The following FHOD3 variants were observed in gnomAD, a reference collection of about 807,000 sequenced individuals.
FHOD3 encodes FH1/FH2 domain-containing protein 3.
A neutral mutation model predicts 173.0 loss-of-function variants in FHOD3; 90 were observed. The ratio of observed to expected loss-of-function variants is 0.52; its 90% confidence interval spans 0.44 to 0.62. FHOD3 has a LOEUF of 0.62. Among genes scored for constraint, FHOD3 ranks in the 20% least tolerant of loss-of-function variants. The probability of loss-of-function intolerance (pLI) is 0.00; values close to 1 mark genes in which losing one functional copy is unlikely to be tolerated. For missense variants in FHOD3, 1,945 were observed against 2,034.7 expected (o/e 0.96, Z 0.85); for synonymous variants, 828 against 823.0 (o/e 1.01, Z -0.10).
At chr18:36,448,522 C>T (rs996380949) in intron 3 of FHOD3, among the ~76,000 whole-genome samples, 4 of 152,178 alleles carry the variant, frequency 2.6e-5, no homozygotes, top group Non-Finnish European at 5.9e-5. Context: ...TGGGTTGCAT[C>T]TCTCCCACAT....
chr18:36,569,059 C>G (rs1379080160), intron 5 of FHOD3, among the ~76,000 whole-genome samples: 1 of 151,988 alleles, frequency 6.6e-6, no homozygotes, highest in Non-Finnish European at 1.5e-5. Flanking sequence ...ATGAAAGATA[C>G]AATAACCAAA....
intron 3 of FHOD3, among the ~76,000 whole-genome samples, chr18:36,481,260 G>A (rs1282726862): frequency 3.3e-5 from 5 of 151,830 alleles, no homozygotes; most frequent in Non-Finnish European, 7.4e-5. Context: ...TTCTGCAGGC[G>A]GCTATAATCT....
chr18:36,737,462 C>T (rs2041693838), intron 20 of FHOD3, among the ~76,000 whole-genome samples: 1 of 152,172 alleles, frequency 6.6e-6, no homozygotes, highest in African/African-American at 2.4e-5. Flanking sequence ...TCTCTTAATG[C>T]CATCTGCATG....
At chr18:36,522,537 A>G (rs761622255) in intron 5 of FHOD3, among the ~76,000 whole-genome samples, 4 of 152,210 alleles carry the variant, frequency 2.6e-5, no homozygotes, top group Non-Finnish European at 5.9e-5. Flanking sequence ...GCAAATATGG[A>G]TTATACTGTA....
At chr18:36,723,432 C>T (rs2040891594) in intron 19 of FHOD3, among the ~76,000 whole-genome samples, 2 of 152,218 alleles carry the variant, frequency 1.3e-5, no homozygotes, top group East Asian at 1.9e-4. Flanking sequence ...TACATCTCCC[C>T]GTCTCCCTTG....
chr18:36,309,693 C>T (rs2092202670), intron 1 of FHOD3, among the ~76,000 whole-genome samples: 2 of 152,230 alleles, frequency 1.3e-5, no homozygotes, highest in Admixed American at 1.3e-4. Context: ...ACCTCAGCAG[C>T]ACCATGTGCC....
intron 1 of FHOD3, 114 bp downstream of exon 1, chr18:36,298,114 G>C (rs2091846317): frequency 2.0e-6 from 2 of 982,690 alleles, no homozygotes; most frequent in South Asian, 4.4e-5. Flanking sequence ...GCGCGGCCCG[G>C]GGGGACCATC....
At chr18:36,536,440 G>A (rs571675155) in intron 5 of FHOD3, among the ~76,000 whole-genome samples, 6 of 152,322 alleles carry the variant, frequency 3.9e-5, no homozygotes, top group South Asian at 2.1e-4. Flanking sequence ...AGAAGTCAGC[G>A]CCCGCTGTGC....
intron 8 of FHOD3, among the ~76,000 whole-genome samples, chr18:36,609,857 T>C (rs997180315): frequency 2.6e-5 from 4 of 152,166 alleles, no homozygotes; most frequent in African/African-American, 9.7e-5. Context: ...GTGATCCACC[T>C]GCCTCAACCC....
rs528429362 is a variant in FHOD3 at position 36,758,350 on chromosome 18, G to A, written c.4426-768G>A. On this transcript the variant is annotated intron_variant, in intron 25 of 28. Transcript: ENST00000590592. ...GTGTTTAATTTATGATCAAGAGATT[G>A]ACATGACTTTTCACTCTCAATTTAT... 5.9e-5 allele frequency among the ~76,000 whole-genome samples: 9 copies of A among 152,324 alleles called. No individual in the cohort carries two copies. In the South Asian group the frequency reaches 1.9e-3, roughly 32 times the overall value.
At chr18:36,321,746 C>T (rs1405224228) in intron 1 of FHOD3, among the ~76,000 whole-genome samples, 10 of 152,106 alleles carry the variant, frequency 6.6e-5, no homozygotes, top group South Asian at 2.1e-4. Flanking sequence ...GCCCTCCGTG[C>T]GTGGTGCTAT....
At position 36,462,432 on chromosome 18, in the gene FHOD3, C is replaced by T. The variant is rs146779255; in HGVS notation, c.338-39500C>T. On this transcript the variant is annotated intron_variant, in intron 3 of 28. Coordinates refer to ENST00000590592, the MANE Select transcript of FHOD3 (RefSeq NM_001281740.3). Reference sequence around the variant, plus strand: ...CTGCAAGCTCTGCCTCCTGGGTTCACGCCATTCTTCTGCTTCAGCCTCCTG... The same window carrying T: ...CTGCAAGCTCTGCCTCCTGGGTTCATGCCATTCTTCTGCTTCAGCCTCCTG... 1.2e-4 allele frequency among the ~76,000 whole-genome samples: 18 copies of T among 152,062 alleles called. No homozygotes were observed. In the East Asian group the frequency reaches 1.4e-3, roughly 11 times the overall value.
intron 7 of FHOD3, 81 bp downstream of exon 7, chr18:36,594,979 C>A: frequency 1.2e-6 from 1 of 868,064 alleles, no homozygotes; most frequent in Non-Finnish European, 1.8e-6. Flanking sequence ...ATGCTTGAGA[C>A]AGATATAAGA....
chr18:36,433,914 C>T (rs940707357), intron 3 of FHOD3, among the ~76,000 whole-genome samples: 7 of 151,956 alleles, frequency 4.6e-5, no homozygotes, highest in African/African-American at 1.7e-4. Flanking sequence ...ATGTATAGAC[C>T]CATGTATCTA....
At chr18:36,551,718 TA>T (rs1188607709) in intron 5 of FHOD3, among the ~76,000 whole-genome samples, 1 of 152,340 alleles carries the variant, frequency 6.6e-6, no homozygotes, top group East Asian at 1.9e-4. Context: ...TGCATATGGC[TA>T]GCCAGTTTTC....
At chr18:36,406,377 A>G (rs1321587367) in intron 3 of FHOD3, among the ~76,000 whole-genome samples, 2 of 152,148 alleles carry the variant, frequency 1.3e-5, no homozygotes, top group Non-Finnish European at 2.9e-5. Flanking sequence ...GCTAGATTTT[A>G]TACCTTGTAA....
chr18:36,694,242 G>A (rs1281977769), intron 17 of FHOD3, among the ~76,000 whole-genome samples: 5 of 152,202 alleles, frequency 3.3e-5, no homozygotes, highest in Non-Finnish European at 7.3e-5. Flanking sequence ...GACAGCAGAG[G>A]CATTAAGCTT....
intron 5 of FHOD3, among the ~76,000 whole-genome samples, chr18:36,523,165 A>G (rs12327382): frequency 9.2e-5 from 14 of 152,126 alleles, no homozygotes; most frequent in Admixed American, 2.0e-4. Flanking sequence ...TGATGTTCCT[A>G]GAATTACAGC....
intron 3 of FHOD3, among the ~76,000 whole-genome samples, chr18:36,394,487 C>T (rs572804792): frequency 6.6e-6 from 1 of 152,300 alleles, no homozygotes; most frequent in African/African-American, 2.4e-5. Flanking sequence ...GGGGACCACC[C>T]ACCATGCATG....
Sources: gnomAD v4.1 joint callset for allele counts (sites outside exome capture counted in the v4.1 genomes callset) on GRCh38, gnomAD v4.1.1 for gene constraint, MANE v1.5 for transcripts, NCBI Gene and HGNC (gene_info 2026-07-23, HGNC 2026-07-21) for gene names.